The following GASK1B variants were observed in gnomAD, a reference collection of about 807,000 sequenced individuals.
GASK1B encodes Golgi-associated kinase 1B.
In GASK1B, 34 loss-of-function variants were observed where a neutral mutation model predicts 42.8. The ratio of observed to expected loss-of-function variants is 0.79; its 90% CI spans 0.60 to 1.06. The LOEUF (loss-of-function observed/expected upper bound fraction) is 1.06, where lower values mean the gene tolerates loss of function less well. GASK1B is among the 50% of genes least tolerant of loss of function. The pLI is 0.00. For missense variants in GASK1B, 686 were observed against 661.0 expected, an observed-to-expected ratio of 1.04 and a Z score of -0.42; for synonymous variants, 262 against 259.1, an observed-to-expected ratio of 1.01 and a Z score of -0.11.
chr4:158,128,150 T>A (rs1383191820), intron 4 of GASK1B, among the ~76,000 whole-genome samples: 1 of 152,152 alleles, frequency 6.6e-6, no homozygotes, highest in East Asian at 1.9e-4. Context: ...TTCAAAAACA[T>A]CAAATTAAAG....
rs755296376 is a variant in GASK1B, at chr4:158,156,583, T to C, written c.911-758A>G. Among the ~76,000 whole-genome samples, 28 of 152,292 alleles carry C rather than the reference T, an allele frequency of 1.8e-4. No individual in the cohort carries two copies. In the East Asian group the frequency reaches 2.3e-3, roughly 13 times the overall value. On this transcript the variant is annotated intron_variant, in intron 2 of 4. Transcript: ENST00000585682. ...TGTAATTTCTTTAATTGCTAAACTT[T>C]ACAAAGAATTATGAGCCCCAGTGAA...
In GASK1B at chr4:158,171,019, G is replaced by C. The variant is rs373945160; in HGVS notation, c.357C>G (p.Ala119=). The part of the protein sequence containing the change: ...ITLRSKRSKP[A]NIRGTVKPKR... ...TGGGCTTCACGGTGCCACGGATATT[G>C]GCCGGCTTGCTGCGCTTGGAGCGTA... Residue 119 remains alanine (A), a synonymous_variant, in exon 2 of 5, where the codon GCC becomes GCG. Transcript: ENST00000585682. The C allele has an allele frequency of 8.7e-6, 14 of 1,613,922 alleles. No individual in the cohort carries two copies. In the African/African-American group the frequency reaches 1.9e-4, roughly 22 times the overall value.
At chr4:158,130,132 T>C (rs1730621452) in intron 4 of GASK1B, among the ~76,000 whole-genome samples, 1 of 152,202 alleles carries the variant, frequency 6.6e-6, no homozygotes, top group Non-Finnish European at 1.5e-5. Context: ...GAATTCTTGG[T>C]CAACCCTAAG....
Position 158,162,608 on chromosome 4 carries a change from C to T in GASK1B, c.911-6783G>A, listed in dbSNP as rs199823254. 3.3e-5 allele frequency among the ~76,000 whole-genome samples: 5 copies of T among 152,136 alleles called. No homozygotes were observed. In the East Asian group the frequency reaches 7.7e-4, roughly 23 times the overall value. ...ACAGGGATGTGCAGAGGTTTTGATG[C>T]CCTCATTCTGTCCAGCTTGTGCTCA... On this transcript the variant is annotated intron_variant, in intron 2 of 4. Transcript: ENST00000585682.
Position 158,170,450 on chromosome 4 carries a change from C to T in GASK1B, c.910+16G>A. 6.2e-7 allele frequency: 1 copy of T among 1,614,208 alleles called. No individual in the cohort carries two copies. The highest frequency in any genetic ancestry group is 1.7e-5 in the Admixed American group (1 of 60,022). ...TCCCCAACAGCTGCAAATAACGAAG[C>T]ATGTGAATCTGTTACCTTGGATGAA... On this transcript the variant is annotated intron_variant, in intron 2 of 4. Coordinates refer to ENST00000585682, the MANE Select transcript of GASK1B (RefSeq NM_001128424.2).
chr4:158,171,774 C>T (rs886565241), intron 1 of GASK1B, among the ~76,000 whole-genome samples, 175 bp from the exon 2 acceptor site: 2 of 152,060 alleles, frequency 1.3e-5, no homozygotes, highest in African/African-American at 4.8e-5. Flanking sequence ...TTGATAGTCA[C>T]TTGAAAGTAG....
chr4:158,146,320 A>G (rs1049521515), intron 3 of GASK1B, among the ~76,000 whole-genome samples: 1 of 152,190 alleles, frequency 6.6e-6, no homozygotes, highest in Admixed American at 6.5e-5. Flanking sequence ...GGCCTATAAT[A>G]TAAGTACGAA....
intron 3 of GASK1B, among the ~76,000 whole-genome samples, chr4:158,131,885 CA>C (rs1730697070): frequency 6.6e-6 from 1 of 152,128 alleles, no homozygotes; most frequent in African/African-American, 2.4e-5. Context: ...TTACCTCGAA[CA>C]CCTGGTAGAA....
chr4:158,153,565 A>T (rs1437558799), intron 3 of GASK1B, among the ~76,000 whole-genome samples: 2 of 152,238 alleles, frequency 1.3e-5, no homozygotes, highest in Admixed American at 6.5e-5. Context: ...CTAAGCAAAA[A>T]GAACAAATCT....
rs1732421184 is a variant in GASK1B, at chr4:158,170,301, G to A, written c.910+165C>T. 4 of 1,614,240 alleles carry A rather than the reference G, an allele frequency of 2.5e-6. No homozygotes were observed. In the East Asian group the frequency reaches 8.9e-5, roughly 36 times the overall value. On this transcript the variant is annotated intron_variant, in intron 2 of 4. Coordinates refer to ENST00000585682, the MANE Select transcript of GASK1B (RefSeq NM_001128424.2). Reference sequence around the variant, plus strand: ...GAACTCTCATATCCTCCCAGGCTGGGAAAATAAAGAATGCCAAGCGCATGG... The same window carrying A: ...GAACTCTCATATCCTCCCAGGCTGGAAAAATAAAGAATGCCAAGCGCATGG...
At chr4:158,133,630 G>A (rs1310499194) in intron 3 of GASK1B, among the ~76,000 whole-genome samples, 1 of 152,150 alleles carries the variant, frequency 6.6e-6, no homozygotes, top group Non-Finnish European at 1.5e-5. Flanking sequence ...GTTAAAGGTT[G>A]AAAAGATTGA....
chr4:158,144,750 A>G (rs1354155303), intron 3 of GASK1B, among the ~76,000 whole-genome samples: 2 of 152,158 alleles, frequency 1.3e-5, no homozygotes, highest in African/African-American at 4.8e-5. Flanking sequence ...TTTCTTTGCT[A>G]CTTGAAGCCA....
At chr4:158,129,949 G>A (rs139468868) in intron 4 of GASK1B, among the ~76,000 whole-genome samples, 63 of 152,264 alleles carry the variant, frequency 4.1e-4, no homozygotes, top group African/African-American at 1.4e-3. Context: ...CTGGGTTCTT[G>A]CCATTACTAA....
chr4:158,129,843 T>C (rs1730611174), intron 4 of GASK1B, among the ~76,000 whole-genome samples: 1 of 152,176 alleles, frequency 6.6e-6, no homozygotes, highest in South Asian at 2.1e-4. Flanking sequence ...CTGACTAAGA[T>C]GGGAAGTATG....
intron 3 of GASK1B, among the ~76,000 whole-genome samples, chr4:158,134,351 C>T (rs1219158737): frequency 6.6e-6 from 1 of 152,170 alleles, no homozygotes; most frequent in African/African-American, 2.4e-5. Context: ...TTAAAACATT[C>T]ACTTAACTAC....
intron 2 of GASK1B, among the ~76,000 whole-genome samples, chr4:158,163,248 A>T (rs1404423947): frequency 6.6e-6 from 1 of 152,242 alleles, no homozygotes; most frequent in African/African-American, 2.4e-5. Context: ...GAGCTACATC[A>T]GCTTAGAAAT....
intron 3 of GASK1B, among the ~76,000 whole-genome samples, chr4:158,148,310 T>C (rs1001322158): frequency 1.6e-4 from 24 of 152,192 alleles, no homozygotes; most frequent in African/African-American, 5.5e-4. Flanking sequence ...TCTACAAGAT[T>C]AGCAAAAATA....
At chr4:158,168,158 T>C (rs1366376009) in intron 2 of GASK1B, among the ~76,000 whole-genome samples, 1 of 152,224 alleles carries the variant, frequency 6.6e-6, no homozygotes, top group Middle Eastern at 3.2e-3. Flanking sequence ...TTGTTTGAGA[T>C]ATAATCTTAG....
intron 2 of GASK1B, among the ~76,000 whole-genome samples, chr4:158,168,063 A>T (rs1732296808): frequency 6.6e-6 from 1 of 152,202 alleles, no homozygotes; most frequent in African/African-American, 2.4e-5. Flanking sequence ...TAACTATATG[A>T]AATCATTTCA....
Sources: gnomAD v4.1 joint callset for allele counts (sites outside exome capture counted in the v4.1 genomes callset) on GRCh38, gnomAD v4.1.1 for gene constraint, MANE v1.5 for transcripts, NCBI Gene and HGNC (gene_info 2026-07-23, HGNC 2026-07-21) for gene names.